The following TMEM232 variants were observed in gnomAD, a reference collection of about 807,000 sequenced individuals.
TMEM232 encodes transmembrane protein 232.
A neutral mutation model predicts 78.8 loss-of-function variants in TMEM232; 80 were observed. The ratio of observed to expected loss-of-function variants is 1.01; its 90% CI spans 0.85 to 1.22. TMEM232 has a LOEUF of 1.22. TMEM232 is among the 50% of genes most tolerant of loss of function. TMEM232 has a pLI of 0.00. For missense variants in TMEM232, 881 were observed against 742.2 expected, an observed-to-expected ratio of 1.19 and a Z score of -2.17; for synonymous variants, 297 against 254.3, an observed-to-expected ratio of 1.17 and a Z score of -1.60.
At chr5:110,594,744 C>T (rs559445176) in intron 10 of TMEM232, among the ~76,000 whole-genome samples, 1 of 152,336 alleles carries the variant, frequency 6.6e-6, no homozygotes, top group East Asian at 1.9e-4. Context: ...GATTCCTCCT[C>T]ACTGGGCAGG....
intron 2 of TMEM232, among the ~76,000 whole-genome samples, chr5:110,655,807 C>CA (rs1422844092): frequency 3.4e-5 from 5 of 148,828 alleles, no homozygotes; most frequent in African/African-American, 1.2e-4. Context: ...ATCGCAAGGA[C>CA]AAAAAACCAA....
At chr5:110,562,984 T>C (rs1775924530) in intron 11 of TMEM232, among the ~76,000 whole-genome samples, 1 of 152,064 alleles carries the variant, frequency 6.6e-6, no homozygotes, top group South Asian at 2.1e-4. Context: ...CTGTGTGTTT[T>C]AGTTAAGATA....
At chr5:110,467,143 C>A (rs1762168390) in intron 12 of TMEM232, among the ~76,000 whole-genome samples, 1 of 152,032 alleles carries the variant, frequency 6.6e-6, no homozygotes, top group African/African-American at 2.4e-5. Context: ...GAAAAATATG[C>A]TTACATAATT....
chr5:110,432,803 C>G (rs1189878728), intron 12 of TMEM232, among the ~76,000 whole-genome samples: 1 of 151,600 alleles, frequency 6.6e-6, no homozygotes, highest in Admixed American at 6.6e-5. Flanking sequence ...ACCCACCACA[C>G]TACTGGAAAA....
intron 12 of TMEM232, among the ~76,000 whole-genome samples, chr5:110,492,922 G>A (rs1765265783): frequency 6.6e-6 from 1 of 152,106 alleles, no homozygotes; most frequent in South Asian, 2.1e-4. Context: ...TCAAAATGAT[G>A]TAGGGGTTGG....
At chr5:110,687,347 T>C (rs114307292) in intron 1 of TMEM232, among the ~76,000 whole-genome samples, 1,783 of 152,278 alleles carry the variant, frequency 0.012, 45 homozygotes, top group African/African-American at 0.04. Context: ...CTTGAATCTG[T>C]CTCTTGGGTT....
At position 110,420,483 on chromosome 5, in the gene TMEM232, G is replaced by T. The variant is rs566986400; in HGVS notation, c.*97C>A. The T allele has an allele frequency of 2.5e-5, 19 of 749,782 alleles. No individual in the cohort carries two copies. The East Asian group carries it at 4.3e-4, about 17-fold the overall frequency. 46.4% of individuals were successfully genotyped at this position (749,782 alleles called of 1,614,324 possible). A position where few individuals can be genotyped will look rare whatever the true frequency, so the allele number is the denominator to read the frequency against. On this transcript the variant is annotated 3_prime_UTR_variant, in exon 14 of 14. Transcript: ENST00000455884. ...AAACAATACCTCCATTTAATGACAAGAAAGTTCTCTTACTATGTAGCTATC... is the reference window on the plus strand; with the variant it reads ...AAACAATACCTCCATTTAATGACAATAAAGTTCTCTTACTATGTAGCTATC...
At chr5:110,478,553 A>C (rs1763511246) in intron 12 of TMEM232, among the ~76,000 whole-genome samples, 1 of 151,934 alleles carries the variant, frequency 6.6e-6, no homozygotes, top group Non-Finnish European at 1.5e-5. Flanking sequence ...ATTTTGCATG[A>C]GTATATATAA....
intron 2 of TMEM232, among the ~76,000 whole-genome samples, chr5:110,650,541 G>A (rs191001013): frequency 6.6e-6 from 1 of 152,244 alleles, no homozygotes; most frequent in East Asian, 1.9e-4. Flanking sequence ...TGAGAATGGT[G>A]CTTAACCTCA....
At chr5:110,478,703 A>G (rs183051202) in intron 12 of TMEM232, among the ~76,000 whole-genome samples, 4 of 151,858 alleles carry the variant, frequency 2.6e-5, no homozygotes, top group African/African-American at 9.6e-5. Flanking sequence ...AATTAACACA[A>G]TTTTCAAGAT....
At chr5:110,597,119 T>C (rs553908265) in intron 10 of TMEM232, among the ~76,000 whole-genome samples, 6 of 152,246 alleles carry the variant, frequency 3.9e-5, no homozygotes, top group South Asian at 4.1e-4. Flanking sequence ...GAAAACCCCA[T>C]TGTCTCAGCC....
downstream of TMEM232, chr5:110,418,084 T>C (rs1292036649): frequency 6.6e-6 from 1 of 152,214 alleles, no homozygotes; most frequent in Non-Finnish European, 1.5e-5. Context: ...ACCTCTTCTC[T>C]CTGATTCCAT....
intron 4 of TMEM232, among the ~76,000 whole-genome samples, 168 bp downstream of exon 4, chr5:110,640,723 C>A (rs995216895): frequency 2.0e-5 from 3 of 152,066 alleles, no homozygotes; most frequent in South Asian, 2.1e-4. Flanking sequence ...TAGTTAAAAT[C>A]ATAAATTCAA....
At chr5:110,545,789 A>G (rs1773697922) in intron 11 of TMEM232, among the ~76,000 whole-genome samples, 1 of 152,152 alleles carries the variant, frequency 6.6e-6, no homozygotes, top group African/African-American at 2.4e-5. Flanking sequence ...TATTCATTTT[A>G]GCTGTACATA....
At chr5:110,549,299 C>G (rs563274394) in intron 11 of TMEM232, among the ~76,000 whole-genome samples, 1 of 151,826 alleles carries the variant, frequency 6.6e-6, no homozygotes, top group East Asian at 1.9e-4. Context: ...AACACAGTAT[C>G]AAGAGAATCA....
At chr5:110,575,187 G>A (rs1426371273) in intron 10 of TMEM232, among the ~76,000 whole-genome samples, 2 of 151,846 alleles carry the variant, frequency 1.3e-5, no homozygotes, top group Non-Finnish European at 2.9e-5. Flanking sequence ...CACTATATAT[G>A]TACATAATAT....
chr5:110,639,392 A>G (rs544215385), intron 4 of TMEM232, among the ~76,000 whole-genome samples: 25 of 152,320 alleles, frequency 1.6e-4, no homozygotes, highest in African/African-American at 5.5e-4. Context: ...AAATGCAACA[A>G]AAATGTCTTG....
intron 2 of TMEM232, among the ~76,000 whole-genome samples, chr5:110,646,020 T>C (rs1041461683): frequency 3.3e-5 from 5 of 151,542 alleles, no homozygotes; most frequent in Non-Finnish European, 7.4e-5. Flanking sequence ...GTGAAAGACC[T>C]GTACACTGAA....
intron 12 of TMEM232, among the ~76,000 whole-genome samples, chr5:110,519,663 T>C (rs1056858826): frequency 2.0e-5 from 3 of 151,942 alleles, no homozygotes; most frequent in African/African-American, 7.3e-5. Context: ...CAAAGGAATA[T>C]TGCACTCCCA....
Sources: gnomAD v4.1 joint callset for allele counts (sites outside exome capture counted in the v4.1 genomes callset) on GRCh38, gnomAD v4.1.1 for gene constraint, MANE v1.5 for transcripts, NCBI Gene and HGNC (gene_info 2026-07-23, HGNC 2026-07-21) for gene names.